The following ARHGAP8 variants were observed in gnomAD, a reference collection of about 807,000 sequenced individuals.
The protein encoded by ARHGAP8 is rho GTPase-activating protein 8.
Under a neutral mutation model 46.1 loss-of-function variants are expected in ARHGAP8, and 62 were observed. That is an observed-to-expected ratio of 1.34 (90% CI 1.10 to 1.66). The LOEUF is 1.66. ARHGAP8 is among the 40% of genes most tolerant of loss of function. ARHGAP8 has a pLI of 0.00. For synonymous variants in ARHGAP8, 375 were observed against 243.1 expected, an observed-to-expected ratio of 1.54 and a Z score of -5.05; for missense variants, 923 against 568.4, an observed-to-expected ratio of 1.62 and a Z score of -6.34.
chr22:44,755,692 T>C (rs939785612), intron 1 of ARHGAP8, among the ~76,000 whole-genome samples: 3 of 152,200 alleles, frequency 2.0e-5, no homozygotes, highest in African/African-American at 7.2e-5. Flanking sequence ...GCTGAGTGAC[T>C]CTCTCTCCAA....
At chr22:44,860,307 T>G (rs1304099115) in intron 11 of ARHGAP8, among the ~76,000 whole-genome samples, 1 of 152,144 alleles carries the variant, frequency 6.6e-6, no homozygotes, top group East Asian at 1.9e-4. Context: ...TTCTAGAGGC[T>G]AGCAGTCCAA....
rs1264786695 is a variant in ARHGAP8, at chr22:44,826,657, C to G, written c.596+1064C>G. 2.6e-5 allele frequency among the ~76,000 whole-genome samples: 4 copies of G among 152,180 alleles called. No homozygotes were observed. The South Asian group carries it at 8.3e-4, about 31-fold the overall frequency. ...GCCTGGCTGGTCTCGAACTCCTGACCTCAAGCGATCCACCCCTCTCAGCCT... is the reference window on the plus strand; with the variant it reads ...GCCTGGCTGGTCTCGAACTCCTGACGTCAAGCGATCCACCCCTCTCAGCCT... On this transcript the variant is annotated intron_variant, in intron 7 of 11. Coordinates refer to ENST00000356099, the MANE Select transcript of ARHGAP8 (RefSeq NM_181335.3).
At chr22:44,795,523 A>G (rs1285814555) in intron 2 of ARHGAP8, among the ~76,000 whole-genome samples, 3 of 151,162 alleles carry the variant, frequency 2.0e-5, no homozygotes, top group African/African-American at 4.9e-5. Flanking sequence ...CCCTCCCCAC[A>G]CTACCCCAGA....
chr22:44,783,901 G>A (rs1310553246), intron 1 of ARHGAP8, among the ~76,000 whole-genome samples: 1 of 152,064 alleles, frequency 6.6e-6, no homozygotes, highest in Non-Finnish European at 1.5e-5. Flanking sequence ...CCATGGTCAT[G>A]GCTGCTTCCT....
At chr22:44,840,703 A>C (rs1468622686) in intron 7 of ARHGAP8, among the ~76,000 whole-genome samples, 1 of 152,174 alleles carries the variant, frequency 6.6e-6, no homozygotes, top group East Asian at 1.9e-4. Context: ...GATTTTTGTC[A>C]GTGCCGTTGG....
rs765920906 is a variant in ARHGAP8 at position 44,859,846 on chromosome 22, AG to A, written c.981+18del. On this transcript the variant is annotated intron_variant, in intron 11 of 11. Coordinates refer to ENST00000356099, the MANE Select transcript of ARHGAP8 (RefSeq NM_181335.3). ...GCTTCCTGCATGCGGTGAGTGGGGA[AG>A]GGGGGAGCTTGGGGTGAAGCCCAGT... is the stretch of plus-strand genomic sequence containing the variant. The A allele has an allele frequency of 6.2e-6, 10 of 1,612,490 alleles. No individual in the cohort carries two copies. The highest frequency in any genetic ancestry group is 7.6e-6 in the Non-Finnish European group (9 of 1,179,334).
chr22:44,854,406 G>A (rs754848454), intron 10 of ARHGAP8, among the ~76,000 whole-genome samples: 7 of 151,514 alleles, frequency 4.6e-5, no homozygotes, highest in African/African-American at 1.7e-4. Flanking sequence ...CCAGCTAATT[G>A]TATTTTTAGT....
At position 44,831,542 on chromosome 22, in the gene ARHGAP8, C is replaced by T. The variant is rs544687087; in HGVS notation, c.596+5949C>T. On this transcript the variant is annotated intron_variant, in intron 7 of 11. Coordinates refer to ENST00000356099, the MANE Select transcript of ARHGAP8 (RefSeq NM_181335.3). ...GAAACACCCATCTCTACTAATAATA[C>T]AAAAAAATGTGCTGGGCATGGTGGC... 4.6e-5 allele frequency among the ~76,000 whole-genome samples: 7 copies of T among 152,038 alleles called. 1 individual carries two copies. The South Asian group carries it at 1.2e-3, about 27-fold the overall frequency.
intron 2 of ARHGAP8, among the ~76,000 whole-genome samples, chr22:44,792,513 A>G (rs1258695792): frequency 6.6e-6 from 1 of 151,774 alleles, no homozygotes; most frequent in Non-Finnish European, 1.5e-5. Context: ...AGGACCAGGA[A>G]CCCCCTGCCC....
chr22:44,774,955 C>G (rs376491925), intron 1 of ARHGAP8, among the ~76,000 whole-genome samples: 1 of 151,836 alleles, frequency 6.6e-6, no homozygotes, highest in African/African-American at 2.4e-5. Context: ...CTCAGCCTCC[C>G]GAGTAGCTGG....
At chr22:44,787,144 A>G (rs1048813352) in intron 2 of ARHGAP8, among the ~76,000 whole-genome samples, 11 of 152,184 alleles carry the variant, frequency 7.2e-5, no homozygotes, top group Admixed American at 1.3e-4. Flanking sequence ...AGGTGCTCCG[A>G]GAAGCCAACG....
chr22:44,852,627 G>C (rs1352714942), intron 10 of ARHGAP8, among the ~76,000 whole-genome samples: 1 of 152,166 alleles, frequency 6.6e-6, no homozygotes, highest in Non-Finnish European at 1.5e-5. Flanking sequence ...TCAGTGCTGT[G>C]ACTAGGTCAC....
chr22:44,851,898 TAAAG>T (rs1489652309), intron 10 of ARHGAP8, among the ~76,000 whole-genome samples: 8 of 150,192 alleles, frequency 5.3e-5, no homozygotes, highest in Non-Finnish European at 1.2e-4. Context: ...AGAAAAGAAA[TAAAG>T]AAAATGGGCC....
rs746392478 is a variant in ARHGAP8 at position 44,859,752 on chromosome 22, T to G, written c.899T>G (p.Val300Gly). ...GITCVESSLR[V>G]TGCRQILRSL... Reference sequence around the variant, plus strand: ...CCAGGTGTGGAGAGCAGCCTGCGTGTCACTGGCTGCCGCCAGATCTTACGG... The same window carrying G: ...CCAGGTGTGGAGAGCAGCCTGCGTGGCACTGGCTGCCGCCAGATCTTACGG... Residue 300 changes from valine to glycine, a missense_variant, in exon 11 of 12, where the codon GTC becomes GGC. Physicochemically the swap from Val to Gly is moderately radical, Grantham distance 109. Transcript: ENST00000356099. The G allele has an allele frequency of 6.2e-6, 10 of 1,613,800 alleles. No homozygotes were observed. The Admixed American group carries it at 8.3e-5, about 13-fold the overall frequency.
intron 1 of ARHGAP8, among the ~76,000 whole-genome samples, chr22:44,775,601 C>T (rs3788621): frequency 0.12 from 18,463 of 152,070 alleles, 1,628 homozygotes; most frequent in African/African-American, 0.25. Flanking sequence ...GCATGTGCCA[C>T]CACGCCCGGC....
At chr22:44,817,658 AG>A (rs1186451671) in intron 5 of ARHGAP8, among the ~76,000 whole-genome samples, 2 of 151,886 alleles carry the variant, frequency 1.3e-5, no homozygotes, top group Non-Finnish European at 2.9e-5. Flanking sequence ...ACAAAAAATT[AG>A]CGGGTGTGGT....
chr22:44,817,707 G>A (rs939217431), intron 5 of ARHGAP8, among the ~76,000 whole-genome samples: 1 of 152,178 alleles, frequency 6.6e-6, no homozygotes, highest in Non-Finnish European at 1.5e-5. Context: ...AGGAAGCTGA[G>A]GCAGGAGAAT....
intron 10 of ARHGAP8, among the ~76,000 whole-genome samples, chr22:44,857,819 T>C (rs955796500): frequency 6.6e-6 from 1 of 152,090 alleles, no homozygotes; most frequent in East Asian, 1.9e-4. Flanking sequence ...CTCCTCTCTC[T>C]ACACTGGGGT....
At chr22:44,811,948 G>C (rs1014421004) in intron 4 of ARHGAP8, among the ~76,000 whole-genome samples, 5 of 150,148 alleles carry the variant, frequency 3.3e-5, no homozygotes, top group Admixed American at 1.3e-4. Context: ...AGTGAGCTGA[G>C]ATCGCGCCAC....
Sources: gnomAD v4.1 joint callset for allele counts (sites outside exome capture counted in the v4.1 genomes callset) on GRCh38, gnomAD v4.1.1 for gene constraint, MANE v1.5 for transcripts, NCBI Gene and HGNC (gene_info 2026-07-23, HGNC 2026-07-21) for gene names.